Variants in NOX3 observed in about 807,000 individuals in gnomAD.
NOX3 encodes the protein NADPH oxidase 3, also known as NADPH oxidase catalytic subunit-like 3.
NOX3 carries 74 observed loss-of-function variants against 76.7 expected under a neutral mutation model. The ratio of observed to expected loss-of-function variants is 0.96; its 90% CI spans 0.80 to 1.17. The LOEUF (loss-of-function observed/expected upper bound fraction) is 1.17, where lower values mean the gene tolerates loss of function less well. Ranked by LOEUF, NOX3 falls within the 50% of genes most tolerant of loss-of-function variation. The pLI, the probability that NOX3 is intolerant of heterozygous loss-of-function variation, is 0.00. For missense variants in NOX3, 695 were observed against 703.3 expected, an observed-to-expected ratio of 0.99 and a Z score of 0.13; for synonymous variants, 263 against 261.1, an observed-to-expected ratio of 1.01 and a Z score of -0.07.
At chr6:155,442,942 T>C (rs374919707) in intron 5 of NOX3, among the ~76,000 whole-genome samples, 1 of 152,136 alleles carries the variant, frequency 6.6e-6, no homozygotes, top group South Asian at 2.1e-4. Context: ...GAGTCTAACA[T>C]CAGTGAAAAA....
At chr6:155,408,803 A>G (rs549703255) in intron 11 of NOX3, among the ~76,000 whole-genome samples, 7 of 152,350 alleles carry the variant, frequency 4.6e-5, no homozygotes, top group African/African-American at 1.4e-4. Context: ...TCTTTGCAGC[A>G]ACATGGGTGG....
At chr6:155,427,269 C>A (rs1256684243) in intron 9 of NOX3, among the ~76,000 whole-genome samples, 1 of 152,100 alleles carries the variant, frequency 6.6e-6, no homozygotes, top group Non-Finnish European at 1.5e-5. Flanking sequence ...GCCTGTGACT[C>A]TTCCTACCCA....
intron 7 of NOX3, among the ~76,000 whole-genome samples, chr6:155,432,027 T>G (rs1456921619): frequency 1.3e-5 from 2 of 152,230 alleles, no homozygotes; most frequent in East Asian, 3.8e-4. Flanking sequence ...CTGCATGCTC[T>G]TGGAAATCTA....
chr6:155,436,629 A>G (rs1776908193), intron 6 of NOX3, 82 bp from the exon 7 acceptor site: 4 of 1,469,402 alleles, frequency 2.7e-6, no homozygotes, highest in Non-Finnish European at 2.8e-6. Flanking sequence ...TCCCACAGGT[A>G]TATATCCTAC....
At chr6:155,438,576 C>T (rs1224134928) in intron 6 of NOX3, among the ~76,000 whole-genome samples, 2 of 152,188 alleles carry the variant, frequency 1.3e-5, no homozygotes, top group Non-Finnish European at 2.9e-5. Flanking sequence ...CCACCCCCTT[C>T]CAGAAGTAGG....
rs752683524 is a variant in NOX3, at chr6:155,396,876, G to T, written c.1667C>A (p.Pro556His). Residue 556 changes from proline to histidine, a missense_variant, in exon 13 of 14, where the codon CCC becomes CAC. Physicochemically the swap from Pro to His is moderately conservative, Grantham distance 77 (BLOSUM62 -2). Transcript: ENST00000159060. ...KMCHLYSSAD[P>H]RGVHFYYNKE... is the part of the protein sequence containing the mutation. ...GTTGTAATAGAAATGAACACCTCTG[G>T]GGTCAGCTGATGAATACAAGTGGCA... 6.2e-7 allele frequency: 1 copy of T among 1,613,058 alleles called. No individual in the cohort carries two copies. The highest frequency in any genetic ancestry group is 8.5e-7 in the Non-Finnish European group (1 of 1,179,314).
chr6:155,399,167 T>C (rs1484081255), intron 12 of NOX3, among the ~76,000 whole-genome samples: 1 of 152,212 alleles, frequency 6.6e-6, no homozygotes. Context: ...GAGGTGTCCT[T>C]GCATCTATTT....
chr6:155,430,741 A>G, intron 8 of NOX3, 102 bp downstream of exon 8: 1 of 682,286 alleles, frequency 1.5e-6, no homozygotes, highest in Middle Eastern at 2.5e-4. Context: ...CCTCTAAATT[A>G]CAGACAGTTC....
At chr6:155,415,667 G>C (rs541479484) in intron 10 of NOX3, among the ~76,000 whole-genome samples, 9 of 152,204 alleles carry the variant, frequency 5.9e-5, no homozygotes, top group Non-Finnish European at 1.0e-4. Context: ...CAAATAACTT[G>C]TGCAACTGGG....
intron 1 of NOX3, 63 bp downstream of exon 1, chr6:155,455,690 T>C (rs560846154): frequency 3.7e-6 from 5 of 1,340,046 alleles, no homozygotes; most frequent in African/African-American, 1.5e-5. Flanking sequence ...ATACAAGTTT[T>C]CCTAAAAATC....
At chr6:155,421,384 C>G (rs1776686935) in intron 10 of NOX3, among the ~76,000 whole-genome samples, 1 of 152,204 alleles carries the variant, frequency 6.6e-6, no homozygotes, top group African/African-American at 2.4e-5. Context: ...CTTGGAAACT[C>G]ATGAAATAGT....
intron 9 of NOX3, among the ~76,000 whole-genome samples, chr6:155,423,289 T>C (rs1024788251): frequency 4.2e-4 from 64 of 152,338 alleles, no homozygotes; most frequent in African/African-American, 1.4e-3. Flanking sequence ...CTCTTCCTAA[T>C]GTCATTCTCC....
intron 12 of NOX3, among the ~76,000 whole-genome samples, chr6:155,401,602 A>G (rs1779227551): frequency 6.6e-6 from 1 of 152,204 alleles, no homozygotes; most frequent in Non-Finnish European, 1.5e-5. Context: ...GTATAAAGGT[A>G]TTTTCACGTT....
intron 11 of NOX3, among the ~76,000 whole-genome samples, chr6:155,409,633 A>C (rs1391557291): frequency 6.6e-6 from 1 of 152,138 alleles, no homozygotes; most frequent in African/African-American, 2.4e-5. Context: ...TGTTGAATTC[A>C]GTTTAACAAT....
intron 10 of NOX3, among the ~76,000 whole-genome samples, chr6:155,418,836 T>C (rs1193400564): frequency 1.3e-5 from 2 of 152,220 alleles, no homozygotes; most frequent in African/African-American, 4.8e-5. Context: ...CCTATAGACT[T>C]GCAACTTGAG....
chr6:155,441,740 T>A (rs1776987979), intron 5 of NOX3, among the ~76,000 whole-genome samples: 1 of 152,242 alleles, frequency 6.6e-6, no homozygotes, highest in South Asian at 2.1e-4. Flanking sequence ...AAAGTATTTT[T>A]AATAAATACT....
chr6:155,455,705 A>G, intron 1 of NOX3, 48 bp downstream of exon 1: 1 of 1,448,966 alleles, frequency 6.9e-7, no homozygotes, highest in Non-Finnish European at 9.7e-7. Flanking sequence ...AAAATCAAAG[A>G]CTATTCAATC....
In NOX3 at chr6:155,455,096, T is replaced by A; in HGVS notation, c.82A>T (p.Ile28Phe). 8 of 1,612,996 alleles carry A rather than the reference T, an allele frequency of 5.0e-6. No individual in the cohort carries two copies. The highest frequency in any genetic ancestry group is 5.9e-6 in the Non-Finnish European group (7 of 1,179,324). Residue 28 changes from isoleucine (I) to phenylalanine (F), a missense_variant, in exon 2 of 14, where the codon ATT (isoleucine) becomes TTT (phenylalanine). Coordinates refer to ENST00000159060, the MANE Select transcript of NOX3 (RefSeq NM_015718.3). The part of the protein sequence containing the change: ...SWLGINFYLF[I>F]DTFYWYEEEE... ...TCTTCATACCAGTAGAACGTGTCAA[T>A]AAACAGATAAAAATTTATTCCCAGC...
At position 155,414,825 on chromosome 6, in the gene NOX3, A is replaced by T. The variant is rs551505195; in HGVS notation, c.1309-3465T>A. Among the ~76,000 whole-genome samples the T allele has an allele frequency of 1.8e-4, 27 of 151,844 alleles. No homozygotes were observed. The South Asian group carries it at 5.4e-3, about 30-fold the overall frequency. On this transcript the variant is annotated intron_variant, in intron 10 of 13. Transcript: ENST00000159060. ...TATTTTTTAGTAGAGATGGGATTTC[A>T]CCATGTTGGCCATGCTGGTCTCGAA...
Sources: allele counts gnomAD v4.1 joint callset (sites outside exome capture counted in the v4.1 genomes callset), GRCh38; gene constraint gnomAD v4.1.1; transcripts MANE v1.5; gene names NCBI Gene and HGNC (gene_info 2026-07-23, HGNC 2026-07-21).